The following HSD17B2 variants were observed in gnomAD, a reference collection of about 807,000 sequenced individuals.
HSD17B2 encodes 17-beta-hydroxysteroid dehydrogenase type 2.
Under a neutral mutation model 26.9 loss-of-function variants are expected in HSD17B2, and 32 were observed. That is an observed-to-expected ratio of 1.19 (90% confidence interval 0.90 to 1.60). The LOEUF (loss-of-function observed/expected upper bound fraction) is 1.60. Among genes scored for constraint, HSD17B2 ranks in the 40% most tolerant of loss-of-function variants. The pLI, the probability that HSD17B2 is intolerant of heterozygous loss-of-function variation, is 0.00. For synonymous variants in HSD17B2, 246 were observed against 186.7 expected (o/e 1.32, Z -2.59); for missense variants, 613 against 468.6 (o/e 1.31, Z -2.85).
intron 3 of HSD17B2, among the ~76,000 whole-genome samples, chr16:82,072,211 GGA>G (rs148943235): frequency 3.3e-5 from 5 of 151,016 alleles, no homozygotes; most frequent in East Asian, 1.9e-4. Context: ...AAGAAGGTAG[GGA>G]GAGAGAGAGA....
intron 3 of HSD17B2, among the ~76,000 whole-genome samples, chr16:82,080,368 A>T (rs917457682): frequency 2.0e-5 from 3 of 152,272 alleles, no homozygotes; most frequent in African/African-American, 7.2e-5. Flanking sequence ...TGCAATCACA[A>T]GGGTCCTTAT....
At chr16:82,070,859 C>T in intron 2 of HSD17B2, 83 bp from the exon 3 acceptor site, 5 of 1,333,504 alleles carry the variant, frequency 3.7e-6, no homozygotes, top group East Asian at 2.3e-5. Context: ...CGTAACACCT[C>T]TTGCATGGTC....
chr16:82,093,203 A>G (rs1370768694), intron 4 of HSD17B2: 4 of 152,176 alleles, frequency 2.6e-5, no homozygotes, highest in African/African-American at 9.7e-5. Context: ...AAGCCCCTAT[A>G]TGATCCTCTA....
chr16:82,098,116 G>C lies in HSD17B2; in HGVS notation c.844G>C (p.Asp282His). 2.5e-6 allele frequency: 4 copies of C among 1,613,892 alleles called. No individual in the cohort carries two copies. In the South Asian group the frequency reaches 4.4e-5, roughly 18 times the overall value. Residue 282 changes from aspartate to histidine, a missense_variant, in exon 5 of 5, where the codon GAC becomes CAC. By Grantham distance (81) the Asp-to-His change is moderately conservative (BLOSUM62 -1). Coordinates refer to ENST00000199936, the MANE Select transcript of HSD17B2 (RefSeq NM_002153.3). ...TGACAAGTGGGAAAAGCTGGAGAAG[G>C]ACATTCTGGACCACCTCCCCGCTGA... The part of the protein sequence containing the change: ...TSDKWEKLEK[D>H]ILDHLPAEVQ...
chr16:82,068,004 G>C (rs1319515002), intron 1 of HSD17B2, among the ~76,000 whole-genome samples, 166 bp from the exon 2 acceptor site: 1 of 152,080 alleles, frequency 6.6e-6, no homozygotes, highest in Non-Finnish European at 1.5e-5. Flanking sequence ...GTCTGGCTTG[G>C]CTTCTCCTCC....
chr16:82,092,265 C>G (rs1023641961), intron 4 of HSD17B2: 1 of 152,058 alleles, frequency 6.6e-6, no homozygotes, highest in Non-Finnish European at 1.5e-5. Context: ...GAATATGACC[C>G]ACCTCCCCTC....
chr16:82,080,439 T>C (rs1567590193), intron 3 of HSD17B2, among the ~76,000 whole-genome samples: 1 of 152,082 alleles, frequency 6.6e-6, no homozygotes, highest in African/African-American at 2.4e-5. Context: ...TAGGTGGCTT[T>C]GAAGATAGAG....
chr16:82,046,861 G>C (rs953625615), intron 1 of HSD17B2, among the ~76,000 whole-genome samples: 5 of 152,130 alleles, frequency 3.3e-5, no homozygotes, highest in African/African-American at 1.2e-4. Context: ...CTAAGGCCAA[G>C]TGACAAATAA....
At chr16:82,042,673 G>C (rs544536707) in intron 1 of HSD17B2, among the ~76,000 whole-genome samples, 1 of 152,044 alleles carries the variant, frequency 6.6e-6, no homozygotes, top group African/African-American at 2.4e-5. Flanking sequence ...CCAGGCTGGA[G>C]TGCAATGGCA....
intron 1 of HSD17B2, among the ~76,000 whole-genome samples, chr16:82,059,638 A>G (rs1428867912): frequency 6.6e-6 from 1 of 152,188 alleles, no homozygotes; most frequent in Non-Finnish European, 1.5e-5. Context: ...AGGACCTAAC[A>G]CAATGATATC....
At chr16:82,055,991 C>G (rs1348104171) in intron 1 of HSD17B2, among the ~76,000 whole-genome samples, 1 of 152,160 alleles carries the variant, frequency 6.6e-6, no homozygotes, top group Non-Finnish European at 1.5e-5. Context: ...TTGTAAAGAA[C>G]TAGGTCAATG....
chr16:82,046,041 T>A (rs1913916711), intron 1 of HSD17B2, among the ~76,000 whole-genome samples: 1 of 152,226 alleles, frequency 6.6e-6, no homozygotes, highest in African/African-American at 2.4e-5. Flanking sequence ...GGGCATTACC[T>A]CTTAGGTGGG....
chr16:82,066,575 G>C (rs906191390), intron 1 of HSD17B2, among the ~76,000 whole-genome samples: 5 of 152,232 alleles, frequency 3.3e-5, no homozygotes, highest in Non-Finnish European at 4.4e-5. Flanking sequence ...AACATTACAA[G>C]ATAAGGTCCA....
chr16:82,081,120 C>G (rs1166531824), intron 3 of HSD17B2, among the ~76,000 whole-genome samples: 3 of 152,118 alleles, frequency 2.0e-5, no homozygotes, highest in African/African-American at 7.2e-5. Context: ...CTACTCTTAG[C>G]TGCTCAATAA....
chr16:82,052,969 G>A (rs893897022), intron 1 of HSD17B2, among the ~76,000 whole-genome samples: 5 of 152,178 alleles, frequency 3.3e-5, no homozygotes, highest in South Asian at 2.1e-4. Flanking sequence ...GCCAGCTTAG[G>A]TCTCTCTTCC....
At chr16:82,062,180 GTCTT>G (rs1914458677) in intron 1 of HSD17B2, among the ~76,000 whole-genome samples, 1 of 152,164 alleles carries the variant, frequency 6.6e-6, no homozygotes, top group African/African-American at 2.4e-5. Flanking sequence ...CATAAACTGA[GTCTT>G]TATTAACATT....
At chr16:82,053,744 CTT>C (rs1914180867) in intron 1 of HSD17B2, among the ~76,000 whole-genome samples, 1 of 152,154 alleles carries the variant, frequency 6.6e-6, no homozygotes, top group Non-Finnish European at 1.5e-5. Context: ...ACAGAGAAGA[CTT>C]TGTGTGCTGC....
chr16:82,089,806 A>G (rs1049298857), intron 3 of HSD17B2, among the ~76,000 whole-genome samples: 2 of 152,062 alleles, frequency 1.3e-5, no homozygotes, highest in Non-Finnish European at 2.9e-5. Flanking sequence ...GTCTCTGATA[A>G]GGACACCCAT....
At chr16:82,093,885 C>G (rs1292420063) in intron 4 of HSD17B2, 1 of 152,194 alleles carries the variant, frequency 6.6e-6, no homozygotes, top group African/African-American at 2.4e-5. Context: ...TGGCCTGGAA[C>G]TGTGGGTTCC....
Sources: gnomAD v4.1 joint callset for allele counts (sites outside exome capture counted in the v4.1 genomes callset) on GRCh38, gnomAD v4.1.1 for gene constraint, MANE v1.5 for transcripts, NCBI Gene and HGNC (gene_info 2026-07-23, HGNC 2026-07-21) for gene names.